Variants in SFMBT2 observed in about 807,000 individuals in gnomAD.
The protein encoded by SFMBT2 is scm-like with four MBT domains protein 2.
Under a neutral mutation model 110.1 loss-of-function variants are expected in SFMBT2, and 38 were observed. The ratio of observed to expected loss-of-function variants is 0.35; its 90% confidence interval spans 0.27 to 0.45. SFMBT2 has a LOEUF of 0.45. Ranked by LOEUF, SFMBT2 falls within the 20% of genes least tolerant of loss-of-function variation. The pLI is 1.00. For synonymous variants in SFMBT2, 425 were observed against 425.4 expected (o/e 1.00, Z 0.01); for missense variants, 1,011 against 1,094.9 (o/e 0.92, Z 1.08).
intron 1 of SFMBT2, among the ~76,000 whole-genome samples, chr10:7,384,334 T>C (rs1203162504): frequency 6.8e-6 from 1 of 147,890 alleles, no homozygotes; most frequent in Non-Finnish European, 1.5e-5. Context: ...AGGAAGCGAG[T>C]GAGCACAATC....
At chr10:7,279,959 T>G (rs1333202676) in intron 6 of SFMBT2, among the ~76,000 whole-genome samples, 1 of 152,210 alleles carries the variant, frequency 6.6e-6, no homozygotes, top group Non-Finnish European at 1.5e-5. Flanking sequence ...GACTAAATGT[T>G]TCTCCTCACA....
At chr10:7,228,547 G>A (rs922669602) in intron 9 of SFMBT2, 1 of 169,076 alleles carries the variant, frequency 5.9e-6, no homozygotes, top group Non-Finnish European at 1.2e-5. Context: ...AGGAACATGA[G>A]AATTGCAGGA....
intron 4 of SFMBT2, among the ~76,000 whole-genome samples, chr10:7,312,690 G>A (rs1021432095): frequency 1.3e-5 from 2 of 151,998 alleles, no homozygotes; most frequent in Non-Finnish European, 2.9e-5. Flanking sequence ...GGTCTGTTTC[G>A]TTTATAGCTA....
intron 6 of SFMBT2, among the ~76,000 whole-genome samples, chr10:7,282,071 C>T (rs1230519406): frequency 6.6e-6 from 1 of 152,160 alleles, no homozygotes; most frequent in Non-Finnish European, 1.5e-5. Context: ...GTCTCCAACT[C>T]CTGAGCTCAG....
rs896093081 is a variant in SFMBT2 at position 7,229,895 on chromosome 10, T to C, written c.1121-1958A>G. ...GCCACCATGCCTGGCTAATTTTTAT[T>C]TTTCATAGAGACGAGGTTGCACCAT... is the stretch of plus-strand genomic sequence containing the variant. On this transcript the variant is annotated intron_variant, in intron 9 of 20. Coordinates refer to ENST00000397167, the MANE Select transcript of SFMBT2 (RefSeq NM_001387889.1). 2.0e-5 allele frequency among the ~76,000 whole-genome samples: 3 copies of C among 151,440 alleles called. No homozygotes were observed. In the South Asian group the frequency reaches 6.3e-4, roughly 32 times the overall value.
At chr10:7,210,570 C>T (rs1839310734) in intron 11 of SFMBT2, among the ~76,000 whole-genome samples, 1 of 152,242 alleles carries the variant, frequency 6.6e-6, no homozygotes, top group Non-Finnish European at 1.5e-5. Flanking sequence ...ATGTGTTAAC[C>T]TTGCCTAATA....
At chr10:7,327,064 G>GC (rs1196451023) in intron 4 of SFMBT2, among the ~76,000 whole-genome samples, 1 of 149,066 alleles carries the variant, frequency 6.7e-6, no homozygotes, top group African/African-American at 2.5e-5. Context: ...AGGGACTTTT[G>GC]CCCCCAGTGC....
At chr10:7,183,482 G>C (rs1381803122) in intron 16 of SFMBT2, among the ~76,000 whole-genome samples, 2 of 152,202 alleles carry the variant, frequency 1.3e-5, no homozygotes, top group African/African-American at 4.8e-5. Flanking sequence ...GTCCACAGAA[G>C]ATTATTTTAA....
chr10:7,219,693 T>G (rs1235390402), intron 11 of SFMBT2: 1 of 344,830 alleles, frequency 2.9e-6, no homozygotes, highest in Non-Finnish European at 3.8e-6. Context: ...CTACTGAGTA[T>G]TATGAAATCC....
intron 7 of SFMBT2, among the ~76,000 whole-genome samples, chr10:7,273,996 A>C (rs1285407313): frequency 6.6e-6 from 1 of 152,260 alleles, no homozygotes. Context: ...TTATTGCAGC[A>C]CTATTCACAA....
At position 7,382,025 on chromosome 10, in the gene SFMBT2, T is replaced by TA. The variant is rs778588876; in HGVS notation, c.-51-77dup. ...ATATTCACTTATTTTTAATTTTGTTTAAAAAAAACCTTATTAGTGCCACTA... is the reference window on the plus strand; with the variant it reads ...ATATTCACTTATTTTTAATTTTGTTTAAAAAAAAACCTTATTAGTGCCACTA... On this transcript the variant is annotated intron_variant, in intron 1 of 20. Coordinates refer to ENST00000397167, the MANE Select transcript of SFMBT2 (RefSeq NM_001387889.1). 156 of 787,278 alleles carry TA rather than the reference T, an allele frequency of 2.0e-4. 5 individuals are homozygous for TA. The highest frequency in any genetic ancestry group is 2.9e-4 in the South Asian group (10 of 34,938). The allele number at this position is 787,278 out of a possible 1,614,324, so 48.8% of individuals were successfully genotyped here.
At chr10:7,199,098 C>A (rs995893095) in intron 14 of SFMBT2, among the ~76,000 whole-genome samples, 2 of 152,136 alleles carry the variant, frequency 1.3e-5, no homozygotes, top group Non-Finnish European at 2.9e-5. Flanking sequence ...CCTGCCTGAG[C>A]CTCCTAAGTA....
At chr10:7,372,579 G>A (rs1845092625) in intron 2 of SFMBT2, among the ~76,000 whole-genome samples, 1 of 152,186 alleles carries the variant, frequency 6.6e-6, no homozygotes, top group East Asian at 1.9e-4. Flanking sequence ...AAGAATGGAT[G>A]ACACCAAGAA....
rs113778973 is a variant in SFMBT2 at position 7,394,170 on chromosome 10, G to A, written c.-51-12221C>T. Reference sequence around the variant, plus strand: ...GCGCCACCATGTCTGGTAGAGACGGGGTTTCACCATGTTGCCCAGGCTGGT... The same window carrying A: ...GCGCCACCATGTCTGGTAGAGACGGAGTTTCACCATGTTGCCCAGGCTGGT... On this transcript the variant is annotated intron_variant, in intron 1 of 20. Coordinates refer to ENST00000397167, the MANE Select transcript of SFMBT2 (RefSeq NM_001387889.1). 6.1e-3 allele frequency among the ~76,000 whole-genome samples: 927 copies of A among 152,114 alleles called. 10 individuals are homozygous for A. The highest frequency in any genetic ancestry group is 0.021 in the African/African-American group (877 of 41,486).
At chr10:7,387,210 T>C (rs1845632685) in intron 1 of SFMBT2, among the ~76,000 whole-genome samples, 3 of 152,186 alleles carry the variant, frequency 2.0e-5, no homozygotes. Flanking sequence ...TCCAAATTAA[T>C]TCCTCCTGAA....
chr10:7,284,471 T>G (rs1463909846), intron 5 of SFMBT2: 1 of 1,054,656 alleles, frequency 9.5e-7, no homozygotes, highest in Non-Finnish European at 1.1e-6. Flanking sequence ...AGTATGCTTT[T>G]AAGAAGAGTT....
rs185649185 is a variant in SFMBT2 at position 7,183,872 on chromosome 10, C to T, written c.1808+4752G>A. Among the ~76,000 whole-genome samples the T allele has an allele frequency of 5.9e-5, 9 of 152,338 alleles. No homozygotes were observed. The East Asian group carries it at 7.7e-4, about 13-fold the overall frequency. Reference sequence around the variant, plus strand: ...CTGAGTTGGATACAGAATCCCCAAACGACTGACCCACCCTCTGAGTTATTC... The same window carrying T: ...CTGAGTTGGATACAGAATCCCCAAATGACTGACCCACCCTCTGAGTTATTC... On this transcript the variant is annotated intron_variant, in intron 16 of 20. Transcript: ENST00000397167.
At chr10:7,266,918 T>C (rs1841411964) in intron 7 of SFMBT2, among the ~76,000 whole-genome samples, 1 of 152,076 alleles carries the variant, frequency 6.6e-6, no homozygotes, top group Admixed American at 6.5e-5. Context: ...GGGGCTCGCC[T>C]GCAAGGGGGG....
chr10:7,240,217 C>T (rs992946345), intron 9 of SFMBT2, among the ~76,000 whole-genome samples: 3 of 152,228 alleles, frequency 2.0e-5, no homozygotes, highest in East Asian at 1.9e-4. Flanking sequence ...TATGTAACTA[C>T]AAAAATATAA....
Sources: gnomAD v4.1 joint callset for allele counts (sites outside exome capture counted in the v4.1 genomes callset) on GRCh38, gnomAD v4.1.1 for gene constraint, MANE v1.5 for transcripts, NCBI Gene and HGNC (gene_info 2026-07-23, HGNC 2026-07-21) for gene names.